Variants in UTRN observed in about 807,000 individuals in gnomAD.
The protein encoded by UTRN is utrophin.
A neutral mutation model predicts 463.9 loss-of-function variants in UTRN; 283 were observed. That is an observed-to-expected ratio of 0.61 (90% CI 0.55 to 0.67). The LOEUF (loss-of-function observed/expected upper bound fraction) is 0.67, where lower values mean the gene tolerates loss of function less well. Among genes scored for constraint, UTRN ranks in the 30% least tolerant of loss-of-function variants. UTRN has a pLI of 0.00. For missense variants in UTRN, 3,922 were observed against 4,084.3 expected (o/e 0.96, Z 1.08); for synonymous variants, 1,442 against 1,431.5 (o/e 1.01, Z -0.17).
chr6:144,489,023 T>C (rs899042003), intron 30 of UTRN, among the ~76,000 whole-genome samples, 189 bp downstream of exon 30: 4 of 148,222 alleles, frequency 2.7e-5, no homozygotes, highest in African/African-American at 7.8e-5. Flanking sequence ...AAAAGTCTTA[T>C]ATAGTTTATT....
Position 144,836,582 on chromosome 6 carries a change from T to C in UTRN, c.10065+41T>C, listed in dbSNP as rs191624763. ...TTCAGCGTCACACCTCCCCAGGCCA[T>C]CTGTCCACTGCCCTGGGAGATGATG... is the stretch of plus-strand genomic sequence containing the variant. On this transcript the variant is annotated intron_variant, in intron 71 of 74. Transcript: ENST00000367545. The C allele has an allele frequency of 2.4e-4, 380 of 1,608,070 alleles. 2 individuals are homozygous for C. The East Asian group carries it at 7.5e-3, about 32-fold the overall frequency.
intron 2 of UTRN, among the ~76,000 whole-genome samples, chr6:144,359,100 A>G (rs1275040784): frequency 6.6e-6 from 1 of 152,080 alleles, no homozygotes; most frequent in Non-Finnish European, 1.5e-5. Context: ...ATCTTTATTG[A>G]TCTGTAAAAT....
intron 17 of UTRN, among the ~76,000 whole-genome samples, 155 bp from the exon 18 acceptor site, chr6:144,451,215 T>C (rs1325759243): frequency 6.6e-6 from 1 of 152,228 alleles, no homozygotes; most frequent in African/African-American, 2.4e-5. Context: ...AAATATATGA[T>C]CTCATTTTGC....
chr6:144,299,982 G>T (rs1805084311), intron 2 of UTRN, among the ~76,000 whole-genome samples: 1 of 152,050 alleles, frequency 6.6e-6, no homozygotes, highest in South Asian at 2.1e-4. Flanking sequence ...AATTTTAAAA[G>T]ATGTATAGTG....
intron 34 of UTRN, among the ~76,000 whole-genome samples, chr6:144,509,911 A>T (rs1289647494): frequency 1.3e-5 from 2 of 152,174 alleles, no homozygotes; most frequent in Admixed American, 1.3e-4. Flanking sequence ...AAGAAATGAA[A>T]GATTCTTATT....
At chr6:144,554,196 A>C (rs890070391) in intron 48 of UTRN, among the ~76,000 whole-genome samples, 3 of 152,186 alleles carry the variant, frequency 2.0e-5, no homozygotes, top group East Asian at 3.8e-4. Context: ...TTCCTGCTAC[A>C]GTAAAACAAA....
intron 51 of UTRN, among the ~76,000 whole-genome samples, chr6:144,636,755 A>G (rs1777217857): frequency 1.3e-5 from 2 of 152,148 alleles, no homozygotes; most frequent in Non-Finnish European, 2.9e-5. Flanking sequence ...TAGCATTTAC[A>G]TCTTCCTTAT....
intron 9 of UTRN, among the ~76,000 whole-genome samples, chr6:144,431,696 C>T (rs1323896510): frequency 6.6e-6 from 1 of 152,174 alleles, no homozygotes; most frequent in Non-Finnish European, 1.5e-5. Context: ...TGGTCACTAA[C>T]TTTCCTGGTT....
chr6:144,308,695 C>T (rs1352953815), intron 2 of UTRN, among the ~76,000 whole-genome samples: 1 of 152,160 alleles, frequency 6.6e-6, no homozygotes, highest in Non-Finnish European at 1.5e-5. Context: ...CCAAGGCCAC[C>T]CTAACCGTGT....
chr6:144,827,243 G>T, intron 66 of UTRN, 105 bp from the exon 67 acceptor site: 2 of 1,348,824 alleles, frequency 1.5e-6, no homozygotes, highest in Non-Finnish European at 2.1e-6. Flanking sequence ...CCACATATAT[G>T]AGCGGAAGAT....
At chr6:144,572,044 G>T (rs1800989734) in intron 50 of UTRN, among the ~76,000 whole-genome samples, 2 of 152,052 alleles carry the variant, frequency 1.3e-5, no homozygotes, top group South Asian at 4.1e-4. Context: ...TTTTGGTTTG[G>T]TTTATTTGTT....
chr6:144,291,600 A>G, intron 1 of UTRN, 137 bp from the exon 2 acceptor site: 1 of 361,470 alleles, frequency 2.8e-6, no homozygotes. Flanking sequence ...TCATAGTCAT[A>G]ACACCATTGC....
chr6:144,325,749 G>A (rs1242827734), intron 2 of UTRN, among the ~76,000 whole-genome samples: 1 of 152,126 alleles, frequency 6.6e-6, no homozygotes, highest in Non-Finnish European at 1.5e-5. Context: ...ATGTTTGAAA[G>A]CCTCCACCAG....
chr6:144,698,564 G>A (rs1168008330), intron 52 of UTRN, among the ~76,000 whole-genome samples: 3 of 152,166 alleles, frequency 2.0e-5, no homozygotes, highest in South Asian at 2.1e-4. Context: ...GCATAAGCCC[G>A]CATTCACAGT....
intron 58 of UTRN, 113 bp from the exon 59 acceptor site, chr6:144,771,794 A>T: frequency 1.3e-6 from 1 of 763,924 alleles, no homozygotes; most frequent in Non-Finnish European, 2.0e-6. Context: ...ATAATTTTGC[A>T]TGTATTTTTA....
chr6:144,462,134 C>T (rs927741272), intron 22 of UTRN, among the ~76,000 whole-genome samples: 2 of 152,114 alleles, frequency 1.3e-5, no homozygotes, highest in Non-Finnish European at 2.9e-5. Flanking sequence ...TTATTCAGCT[C>T]CCACTTATAA....
At position 144,631,727 on chromosome 6, in the gene UTRN, G is replaced by C. The variant is rs189236775; in HGVS notation, c.7480-46679G>C. Among the ~76,000 whole-genome samples the C allele has an allele frequency of 3.7e-3, 566 of 152,138 alleles. 5 individuals carry two copies. Among genetic ancestry groups the C allele is most frequent in the African/African-American group, 0.013 (538 of 41,494 alleles). ...TTACTTCTTTTCACATTTCATATTT[G>C]GGAGGGCTTTGGGCTCTATCTTCTA... On this transcript the variant is annotated intron_variant, in intron 51 of 74. Transcript: ENST00000367545.
chr6:144,428,639 G>A, intron 7 of UTRN, 139 bp from the exon 8 acceptor site: 1 of 526,550 alleles, frequency 1.9e-6, no homozygotes. Context: ...TATTTGACAA[G>A]CCTTTGGGAT....
At chr6:144,397,458 T>A (rs1782541753) in intron 2 of UTRN, among the ~76,000 whole-genome samples, 1 of 152,140 alleles carries the variant, frequency 6.6e-6, no homozygotes, top group Non-Finnish European at 1.5e-5. Flanking sequence ...AGAACATTTT[T>A]AAAGCATATA....
Sources: gnomAD v4.1 joint callset for allele counts (sites outside exome capture counted in the v4.1 genomes callset) on GRCh38, gnomAD v4.1.1 for gene constraint, MANE v1.5 for transcripts, NCBI Gene and HGNC (gene_info 2026-07-23, HGNC 2026-07-21) for gene names.